The following MIGA1 variants were observed in gnomAD, a reference collection of about 807,000 sequenced individuals.
MIGA1 encodes the protein family with sequence similarity 73, member A.
MIGA1 carries 58 observed loss-of-function variants against 82.0 expected under a neutral mutation model. The observed-to-expected ratio is 0.71, with a 90% CI of 0.57 to 0.88. The LOEUF is 0.88. Ranked by LOEUF, MIGA1 falls within the 40% of genes least tolerant of loss-of-function variation. The pLI is 0.00. For missense variants in MIGA1, 751 were observed against 749.1 expected, an observed-to-expected ratio of 1.00 and a Z score of -0.03; for synonymous variants, 249 against 253.6, an observed-to-expected ratio of 0.98 and a Z score of 0.17.
intron 13 of MIGA1, among the ~76,000 whole-genome samples, chr1:77,864,979 C>G (rs1685608937): frequency 6.6e-6 from 1 of 152,146 alleles, no homozygotes; most frequent in African/African-American, 2.4e-5. Flanking sequence ...TTGGAACTTA[C>G]TGATATTAAA....
At chr1:77,799,283 A>G (rs1388403385) in intron 2 of MIGA1, among the ~76,000 whole-genome samples, 1 of 152,236 alleles carries the variant, frequency 6.6e-6, no homozygotes, top group Non-Finnish European at 1.5e-5. Context: ...TCAATAAATT[A>G]CTTGAGACAT....
chr1:77,858,379 A>G (rs1242922391), intron 8 of MIGA1, among the ~76,000 whole-genome samples: 1 of 152,000 alleles, frequency 6.6e-6, no homozygotes, highest in African/African-American at 2.4e-5. Context: ...GGTTTTCTGT[A>G]TGTTCTGTGG....
intron 7 of MIGA1, among the ~76,000 whole-genome samples, chr1:77,821,715 T>A (rs1683817079): frequency 6.6e-6 from 1 of 152,184 alleles, no homozygotes; most frequent in African/African-American, 2.4e-5. Flanking sequence ...GATTTTGATT[T>A]GACATCTAAC....
chr1:77,803,509 C>A, intron 4 of MIGA1, 103 bp downstream of exon 4: 1 of 475,220 alleles, frequency 2.1e-6, no homozygotes, highest in South Asian at 8.6e-5. Flanking sequence ...TATGGAAATA[C>A]TCTTAAGAAA....
At chr1:77,870,225 C>G (rs866795748) in intron 14 of MIGA1, among the ~76,000 whole-genome samples, 21 of 127,666 alleles carry the variant, frequency 1.6e-4, no homozygotes, top group African/African-American at 5.4e-4. Context: ...GGGCTGACCC[C>G]CCCCCCCACC....
At chr1:77,816,919 A>G (rs1683591968) in intron 7 of MIGA1, among the ~76,000 whole-genome samples, 2 of 152,210 alleles carry the variant, frequency 1.3e-5, no homozygotes, top group South Asian at 2.1e-4. Context: ...AATGCCACAG[A>G]GAAAAGTAAG....
intron 7 of MIGA1, among the ~76,000 whole-genome samples, chr1:77,828,158 A>G (rs1684102653): frequency 6.6e-6 from 1 of 152,218 alleles, no homozygotes; most frequent in Non-Finnish European, 1.5e-5. Flanking sequence ...ATTTATGTAC[A>G]TATCCAGTGT....
intron 12 of MIGA1, 76 bp downstream of exon 12, chr1:77,861,398 TTCATTG>T: frequency 1.1e-6 from 1 of 948,686 alleles, no homozygotes; most frequent in Non-Finnish European, 1.7e-6. Context: ...AGACTACTGT[TTCATTG>T]TCCTTGTTAA....
At chr1:77,841,914 T>G (rs1174527801) in intron 7 of MIGA1, among the ~76,000 whole-genome samples, 1 of 151,040 alleles carries the variant, frequency 6.6e-6, no homozygotes, top group African/African-American at 2.4e-5. Flanking sequence ...TTTTCCTGCC[T>G]CAGCCTCCTG....
At chr1:77,859,907 C>G (rs895131169) in intron 10 of MIGA1, 133 bp from the exon 11 acceptor site, 3 of 602,792 alleles carry the variant, frequency 5.0e-6, no homozygotes, top group Non-Finnish European at 8.6e-6. Flanking sequence ...AGGACTTTCT[C>G]TGTGAGCTGC....
At chr1:77,842,721 T>C (rs1044717628) in intron 7 of MIGA1, among the ~76,000 whole-genome samples, 3 of 152,172 alleles carry the variant, frequency 2.0e-5, no homozygotes, top group Admixed American at 6.5e-5. Flanking sequence ...TGTATTTTTT[T>C]AGTAGAGACG....
intron 14 of MIGA1, among the ~76,000 whole-genome samples, chr1:77,869,912 G>A (rs1331265773): frequency 7.7e-6 from 1 of 130,702 alleles, no homozygotes; most frequent in Non-Finnish European, 1.7e-5. Context: ...CCGGGCGGGG[G>A]GCTGACCCCG....
At chr1:77,874,203 CTT>C (rs1646874685) in intron 15 of MIGA1, among the ~76,000 whole-genome samples, 1 of 152,040 alleles carries the variant, frequency 6.6e-6, no homozygotes, top group Non-Finnish European at 1.5e-5. Flanking sequence ...ATAGCTGAGA[CTT>C]AATACTTATT....
At chr1:77,848,045 G>A (rs1385814645) in intron 8 of MIGA1, 17 of 1,293,722 alleles carry the variant, frequency 1.3e-5, no homozygotes, top group South Asian at 4.8e-5. Context: ...GACACCACAC[G>A]AAAGGATCAC....
chr1:77,791,251 A>C (rs931357128), intron 2 of MIGA1, among the ~76,000 whole-genome samples: 5 of 150,808 alleles, frequency 3.3e-5, no homozygotes, highest in Non-Finnish European at 4.4e-5. Context: ...CTTAAAAAAA[A>C]AAAAAAAAAA....
intron 7 of MIGA1, among the ~76,000 whole-genome samples, chr1:77,842,939 A>G (rs976788598): frequency 3.3e-5 from 5 of 152,238 alleles, no homozygotes; most frequent in African/African-American, 1.2e-4. Flanking sequence ...TGAACCTACA[A>G]GTTCTTCTAA....
chr1:77,804,993 CTTT>C (rs67999119), intron 4 of MIGA1, among the ~76,000 whole-genome samples: 4 of 95,804 alleles, frequency 4.2e-5, no homozygotes, highest in Non-Finnish European at 8.6e-5. Context: ...TTCCATATTT[CTTT>C]TTTTTTTTTT....
At chr1:77,858,475 A>G (rs531964067) in intron 8 of MIGA1, among the ~76,000 whole-genome samples, 1 of 152,346 alleles carries the variant, frequency 6.6e-6, no homozygotes, top group East Asian at 1.9e-4. Flanking sequence ...ATCAATTCAG[A>G]TTTTATTAGC....
chr1:77,791,320 C>CT (rs1292146938), intron 2 of MIGA1, among the ~76,000 whole-genome samples: 2 of 150,118 alleles, frequency 1.3e-5, no homozygotes, highest in African/African-American at 4.9e-5. Flanking sequence ...TGAAATTGGC[C>CT]TTTTTTCACT....
Sources: allele counts gnomAD v4.1 joint callset (sites outside exome capture counted in the v4.1 genomes callset), GRCh38; gene constraint gnomAD v4.1.1; transcripts MANE v1.5; gene names NCBI Gene and HGNC (gene_info 2026-07-23, HGNC 2026-07-21).